SLC16A10: variants seen among roughly 807,000 people sequenced by gnomAD.
SLC16A10 encodes monocarboxylate transporter 10.
A neutral mutation model predicts 40.0 loss-of-function variants in SLC16A10; 27 were observed. The observed-to-expected ratio is 0.67, with a 90% confidence interval of 0.50 to 0.93. SLC16A10 has a LOEUF of 0.93. SLC16A10 is among the 40% of genes least tolerant of loss of function. The pLI, the probability that SLC16A10 is intolerant of heterozygous loss-of-function variation, is 0.00. For missense variants in SLC16A10, 529 were observed against 658.2 expected (o/e 0.80, Z 2.15); for synonymous variants, 213 against 249.8 (o/e 0.85, Z 1.39).
intron 1 of SLC16A10, among the ~76,000 whole-genome samples, chr6:111,119,818 A>G (rs1771552293): frequency 6.6e-6 from 1 of 152,196 alleles, no homozygotes; most frequent in African/African-American, 2.4e-5. Context: ...GAACATTGTA[A>G]CCTTACTGGT....
At chr6:111,108,335 A>G (rs1771321683) in intron 1 of SLC16A10, among the ~76,000 whole-genome samples, 1 of 152,002 alleles carries the variant, frequency 6.6e-6, no homozygotes, top group Non-Finnish European at 1.5e-5. Flanking sequence ...TACAGTCTTG[A>G]TTTGGCTTTA....
At chr6:111,186,373 C>G (rs2114559257) in intron 3 of SLC16A10, among the ~76,000 whole-genome samples, 1 of 152,278 alleles carries the variant, frequency 6.6e-6, no homozygotes, top group East Asian at 1.9e-4. Flanking sequence ...CCTAAATTAG[C>G]CAATTAGATA....
At chr6:111,122,959 C>T (rs1771610975) in intron 1 of SLC16A10, among the ~76,000 whole-genome samples, 1 of 152,328 alleles carries the variant, frequency 6.6e-6, no homozygotes, top group Non-Finnish European at 1.5e-5. Context: ...ATTACCGAGA[C>T]TCATTCCATT....
Position 111,223,600 on chromosome 6 carries a change from G to A in SLC16A10, c.*1365G>A, listed in dbSNP as rs1770941012. 1.3e-5 allele frequency: 2 copies of A among 151,998 alleles called. No individual in the cohort carries two copies. The highest frequency in any genetic ancestry group is 1.3e-4 in the Admixed American group (2 of 15,258). The allele number at this position is 151,998 out of a possible 1,614,324, so 9.4% of individuals were successfully genotyped here. The stretch of plus-strand genomic sequence containing the variant: ...TAATAGTGTCATATTTCATATTCAG[G>A]GGACTTAGATAATTTGCCTGTGGAT... On this transcript the variant is annotated 3_prime_UTR_variant, in exon 6 of 6. Coordinates refer to ENST00000368851, the MANE Select transcript of SLC16A10 (RefSeq NM_018593.5).
chr6:111,127,871 G>A (rs954654416), intron 1 of SLC16A10, among the ~76,000 whole-genome samples: 3 of 152,198 alleles, frequency 2.0e-5, no homozygotes, highest in Non-Finnish European at 4.4e-5. Context: ...AGTAGTGGGG[G>A]TTAGGAGAAA....
rs1043491607 is a variant in SLC16A10, at chr6:111,142,890, CTT to C, written c.344-29804_344-29803del. On this transcript the variant is annotated intron_variant, in intron 1 of 5. Transcript: ENST00000368851. ...GATATTTACCCAAAGGAGTTGAAAA[CTT>C]ATATTCACACAGAAACCTGCACATA... Among the ~76,000 whole-genome samples the C allele has an allele frequency of 7.2e-5, 11 of 152,332 alleles. No homozygotes were observed. In the East Asian group the frequency reaches 1.7e-3, roughly 24 times the overall value.
intron 3 of SLC16A10, among the ~76,000 whole-genome samples, chr6:111,190,168 T>C (rs1240559165): frequency 1.3e-5 from 2 of 152,336 alleles, no homozygotes; most frequent in Non-Finnish European, 2.9e-5. Flanking sequence ...ACAGGCCCCA[T>C]GCAAGTCTGA....
chr6:111,110,659 A>G (rs769823945), intron 1 of SLC16A10, among the ~76,000 whole-genome samples: 1 of 152,062 alleles, frequency 6.6e-6, no homozygotes, highest in Non-Finnish European at 1.5e-5. Context: ...AAAGTTTGGG[A>G]GCTGATTAGT....
In SLC16A10 at chr6:111,127,000, A is replaced by C. The variant is rs113910640; in HGVS notation, c.343+38905A>C. Among the ~76,000 whole-genome samples, 385 of 152,308 alleles carry C rather than the reference A, an allele frequency of 2.5e-3. 2 individuals are homozygous for C. The highest frequency in any genetic ancestry group is 8.7e-3 in the African/African-American group (363 of 41,568). ...CTTTTGCACCAACCTGATATTTAGA[A>C]CAGTGGAGGCATATAGTAGGCATTC... is the stretch of plus-strand genomic sequence containing the variant. On this transcript the variant is annotated intron_variant, in intron 1 of 5. Transcript: ENST00000368851.
At chr6:111,138,671 C>G (rs1422978072) in intron 1 of SLC16A10, among the ~76,000 whole-genome samples, 2 of 151,122 alleles carry the variant, frequency 1.3e-5, no homozygotes. Flanking sequence ...TTTTTTAAGA[C>G]AGGGTCTTGC....
chr6:111,120,688 T>C lies in SLC16A10; in HGVS notation c.343+32593T>C, dbSNP rs551567623. Among the ~76,000 whole-genome samples, 26 of 152,346 alleles carry C rather than the reference T, an allele frequency of 1.7e-4. No individual in the cohort carries two copies. The South Asian group carries it at 5.4e-3, about 32-fold the overall frequency. ...GTCCAGATGACTTTCACTTATACCA[T>C]GAGCCAGCAGATACTGTAGATTATT... On this transcript the variant is annotated intron_variant, in intron 1 of 5. Transcript: ENST00000368851.
intron 1 of SLC16A10, among the ~76,000 whole-genome samples, chr6:111,150,131 T>C (rs572436994): frequency 6.6e-6 from 1 of 152,372 alleles, no homozygotes; most frequent in African/African-American, 2.4e-5. Flanking sequence ...TTGAATAGGC[T>C]ATGAGGGCTC....
intron 1 of SLC16A10, among the ~76,000 whole-genome samples, chr6:111,101,995 C>A (rs892981629): frequency 6.6e-6 from 1 of 152,146 alleles, no homozygotes; most frequent in Non-Finnish European, 1.5e-5. Flanking sequence ...GTACATTTTT[C>A]TGTATCTCAT....
At position 111,102,669 on chromosome 6, in the gene SLC16A10, C is replaced by G. The variant is rs75766259; in HGVS notation, c.343+14574C>G. Among the ~76,000 whole-genome samples, 757 of 152,028 alleles carry G rather than the reference C, an allele frequency of 5.0e-3. 8 individuals are homozygous for G. The highest frequency in any genetic ancestry group is 0.017 in the African/African-American group (694 of 41,468). On this transcript the variant is annotated intron_variant, in intron 1 of 5. Transcript: ENST00000368851. The stretch of plus-strand genomic sequence containing the variant: ...AGCCCAGGTGTTGATCAAGGTCTGT[C>G]TTAGGGCGGGGGATAGGAATGGAAA...
rs757360751 is a variant in SLC16A10, at chr6:111,088,065, A to G, written c.313A>G (p.Lys105Glu). 2.5e-6 allele frequency: 4 copies of G among 1,608,062 alleles called. No individual in the cohort carries two copies. Among genetic ancestry groups the G allele is most frequent in the Non-Finnish European group, 2.5e-6 (3 of 1,177,456 alleles). Residue 105 changes from lysine to glutamate, a missense_variant, in exon 1 of 6, where the codon AAA becomes GAA. Coordinates refer to ENST00000368851, the MANE Select transcript of SLC16A10 (RefSeq NM_018593.5). ...GTCCATGCTGGAAACCTTCGGCTCC[A>G]AAGACGATGACAAGATGGTCTTTAA... ...FVSMLETFGS[K>E]DDDKMVFKTA...
chr6:111,177,601 A>G lies in SLC16A10; in HGVS notation c.878A>G (p.Tyr293Cys). ...FNFAIFKVTA[Y>C]AVWAVGIPLA... is the part of the protein sequence containing the mutation. ...TTTGCCATCTTCAAGGTGACAGCTTATGCAGTGTGGGCAGTTGGAATACCA... is the reference window on the plus strand; with the variant it reads ...TTTGCCATCTTCAAGGTGACAGCTTGTGCAGTGTGGGCAGTTGGAATACCA... The change falls in exon 3 of 6, where the codon TAT (tyrosine) becomes TGT (cysteine). Residue 293 changes from tyrosine (Y) to cysteine (C), a missense_variant. Tyr to Cys is a radical substitution (Grantham distance 194). Coordinates refer to ENST00000368851, the MANE Select transcript of SLC16A10 (RefSeq NM_018593.5). 1 of 1,607,482 alleles carries G rather than the reference A, an allele frequency of 6.2e-7. No individual in the cohort carries two copies. The highest frequency in any genetic ancestry group is 8.5e-7 in the Non-Finnish European group (1 of 1,176,958).
chr6:111,162,735 AC>A (rs2114529247), intron 1 of SLC16A10, among the ~76,000 whole-genome samples: 1 of 152,376 alleles, frequency 6.6e-6, no homozygotes, highest in South Asian at 2.1e-4. Flanking sequence ...ACTGGAGTAT[AC>A]CTTACTCAAT....
intron 1 of SLC16A10, 72 bp downstream of exon 1, chr6:111,088,167 G>T: frequency 1.4e-6 from 2 of 1,465,432 alleles, no homozygotes; most frequent in Non-Finnish European, 1.9e-6. Flanking sequence ...CCGCGTGTGG[G>T]CTGTGTCTGC....
chr6:111,154,234 A>C (rs533815094), intron 1 of SLC16A10, among the ~76,000 whole-genome samples: 1 of 152,360 alleles, frequency 6.6e-6, no homozygotes, highest in South Asian at 2.1e-4. Flanking sequence ...CTATAGTAAT[A>C]ACAGGATTAT....
Sources: allele counts gnomAD v4.1 joint callset (sites outside exome capture counted in the v4.1 genomes callset), GRCh38; gene constraint gnomAD v4.1.1; transcripts MANE v1.5; gene names NCBI Gene and HGNC (gene_info 2026-07-23, HGNC 2026-07-21).